FAM83B: variants seen among roughly 807,000 people sequenced by gnomAD.
FAM83B encodes scaffolding CK1 anchoring protein B.
In FAM83B, 26 loss-of-function variants were observed where a neutral mutation model predicts 38.8. The ratio of observed to expected loss-of-function variants is 0.67; its 90% CI spans 0.49 to 0.93. The LOEUF (loss-of-function observed/expected upper bound fraction) is 0.93, where lower values mean the gene tolerates loss of function less well. Among genes scored for constraint, FAM83B ranks in the 40% least tolerant of loss-of-function variants. The pLI is 0.00. For synonymous variants in FAM83B, 419 were observed against 423.1 expected, an observed-to-expected ratio of 0.99 and a Z score of 0.12; for missense variants, 1,237 against 1,197.3, an observed-to-expected ratio of 1.03 and a Z score of -0.49.
At chr6:54,860,087 G>C (rs1431249493) in intron 1 of FAM83B, among the ~76,000 whole-genome samples, 2 of 151,446 alleles carry the variant, frequency 1.3e-5, no homozygotes. Flanking sequence ...TTTGTTTTTG[G>C]GTGAATTTTC....
intron 2 of FAM83B, among the ~76,000 whole-genome samples, chr6:54,890,005 A>AT (rs1772364039): frequency 6.6e-6 from 1 of 152,094 alleles, no homozygotes; most frequent in Non-Finnish European, 1.5e-5. Flanking sequence ...TTGTTTAAAA[A>AT]ATATATATAG....
chr6:54,913,313 T>C (rs2127585123), intron 2 of FAM83B, among the ~76,000 whole-genome samples: 1 of 152,234 alleles, frequency 6.6e-6, no homozygotes, highest in African/African-American at 2.4e-5. Context: ...AGTTATATTG[T>C]CACCAACATT....
At chr6:54,928,360 A>G (rs1396991691) in intron 4 of FAM83B, among the ~76,000 whole-genome samples, 1 of 152,228 alleles carries the variant, frequency 6.6e-6, no homozygotes, top group Non-Finnish European at 1.5e-5. Context: ...AGAAGGAGGT[A>G]TCACATTGAA....
At position 54,940,047 on chromosome 6, in the gene FAM83B, A is replaced by T; in HGVS notation, c.1076A>T (p.Lys359Ile). The change falls in exon 5 of 5, where the codon AAA becomes ATA. Residue 359 changes from lysine to isoleucine, a missense_variant. Lys to Ile is a moderately radical substitution (Grantham distance 102). Transcript: ENST00000306858. ...TATAACATAAGAAGTCACGGATACA[A>T]ACCTCATTTTGTTCCTAACTTTAAT... Reference protein sequence around the residue: ...DKYNIRSHGYKPHFVPNFNGP... With the variant: ...DKYNIRSHGYIPHFVPNFNGP... 1.2e-6 allele frequency: 2 copies of T among 1,614,034 alleles called. No homozygotes were observed. Among genetic ancestry groups the T allele is most frequent in the Non-Finnish European group, 1.7e-6 (2 of 1,179,976 alleles).
intron 2 of FAM83B, among the ~76,000 whole-genome samples, chr6:54,890,794 AT>A (rs1772384070): frequency 6.6e-6 from 1 of 152,076 alleles, no homozygotes; most frequent in African/African-American, 2.4e-5. Context: ...TATCATGTGC[AT>A]TAATGTTTTA....
At position 54,940,247 on chromosome 6, in the gene FAM83B, G is replaced by A. The variant is rs1378480812; in HGVS notation, c.1276G>A (p.Ala426Thr). 1 of 1,614,034 alleles carries A rather than the reference G, an allele frequency of 6.2e-7. No homozygotes were observed. The highest frequency in any genetic ancestry group is 8.5e-7 in the Non-Finnish European group (1 of 1,179,980). Residue 426 changes from alanine (A) to threonine (T), a missense_variant, in exon 5 of 5, where the codon GCG becomes ACG. By Grantham distance (58) the Ala-to-Thr change is moderately conservative (BLOSUM62 0). Transcript: ENST00000306858. Reference sequence around the variant, plus strand: ...AAAGCCATCTGATAGTCTCAGTGTGGCGTCCTCATCACGGGAAGGCTATGT... The same window carrying A: ...AAAGCCATCTGATAGTCTCAGTGTGACGTCCTCATCACGGGAAGGCTATGT... ...WKKPSDSLSV[A>T]SSSREGYVSH...
chr6:54,855,555 A>C (rs1460030573), intron 1 of FAM83B, among the ~76,000 whole-genome samples: 1 of 152,226 alleles, frequency 6.6e-6, no homozygotes, highest in Admixed American at 6.5e-5. Context: ...CTCTGTTATT[A>C]ACATAAGGTC....
intron 2 of FAM83B, among the ~76,000 whole-genome samples, chr6:54,913,631 C>T (rs766496111): frequency 5.3e-5 from 8 of 149,674 alleles, no homozygotes; most frequent in East Asian, 2.0e-4. Context: ...ATGTTATATA[C>T]GAGTTAAAGA....
intron 2 of FAM83B, among the ~76,000 whole-genome samples, chr6:54,889,220 C>T (rs763732555): frequency 1.3e-4 from 20 of 151,974 alleles, no homozygotes; most frequent in Non-Finnish European, 1.9e-4. Flanking sequence ...GTCTGCATTA[C>T]CTGTAAGCCT....
rs1773768306 is a variant in FAM83B, at chr6:54,944,855, A to C, written c.*2848A>C. 1 of 152,178 alleles carries C rather than the reference A, an allele frequency of 6.6e-6. No individual in the cohort carries two copies. Among genetic ancestry groups the C allele is most frequent in the Non-Finnish European group, 1.5e-5 (1 of 68,042 alleles). The allele number at this position is 152,178 out of a possible 1,614,324, so 9.4% of individuals were successfully genotyped here. A position where few individuals can be genotyped will look rare whatever the true frequency, so the allele number is the denominator to read the frequency against. The stretch of plus-strand genomic sequence containing the variant: ...GTAGATCCTGGGTTCTAGAATATTT[A>C]AAACAAAAGGATAAAATGATAAACC... On this transcript the variant is annotated 3_prime_UTR_variant, in exon 5 of 5. Coordinates refer to ENST00000306858, the MANE Select transcript of FAM83B (RefSeq NM_001010872.3).
chr6:54,858,446 A>C (rs952242502), intron 1 of FAM83B, among the ~76,000 whole-genome samples: 2 of 152,226 alleles, frequency 1.3e-5, no homozygotes, highest in Non-Finnish European at 1.5e-5. Context: ...CTGTTCTGTT[A>C]TATCAAGTTG....
chr6:54,855,256 G>T (rs1257288047), intron 1 of FAM83B, among the ~76,000 whole-genome samples: 1 of 152,146 alleles, frequency 6.6e-6, no homozygotes, highest in African/African-American at 2.4e-5. Context: ...AAGTTGTTTT[G>T]AGTGTCAATC....
intron 1 of FAM83B, 98 bp from the exon 2 acceptor site, chr6:54,870,089 G>A: frequency 1.7e-6 from 1 of 595,884 alleles, no homozygotes; most frequent in Non-Finnish European, 2.9e-6. Context: ...TCTGGTAATG[G>A]AAATGTGTAA....
chr6:54,897,475 T>A (rs1387741044), intron 2 of FAM83B, among the ~76,000 whole-genome samples: 3 of 151,594 alleles, frequency 2.0e-5, no homozygotes, highest in South Asian at 2.1e-4. Flanking sequence ...GGCCCTAAAA[T>A]TTTTTTTTAG....
chr6:54,927,820 A>C (rs1773337570), intron 4 of FAM83B, among the ~76,000 whole-genome samples, 188 bp downstream of exon 4: 1 of 151,878 alleles, frequency 6.6e-6, no homozygotes, highest in Non-Finnish European at 1.5e-5. Flanking sequence ...AAGAGCATTA[A>C]GATCTTATGC....
Position 54,943,403 on chromosome 6 carries a change from G to C in FAM83B, c.*1396G>C, listed in dbSNP as rs951480556. The C allele has an allele frequency of 2.6e-5, 4 of 152,182 alleles. No homozygotes were observed. The highest frequency in any genetic ancestry group is 7.2e-5 in the African/African-American group (3 of 41,454). The allele number at this position is 152,182 out of a possible 1,614,324, so 9.4% of individuals were successfully genotyped here. A position where few individuals can be genotyped will look rare whatever the true frequency, so the allele number is the denominator to read the frequency against. On this transcript the variant is annotated 3_prime_UTR_variant, in exon 5 of 5. Transcript: ENST00000306858. ...CTTTGCTTCATTCACAAAGAACAGAGTTCAAGAAGCAGTGCATCCTGTGAG... is the reference window on the plus strand; with the variant it reads ...CTTTGCTTCATTCACAAAGAACAGACTTCAAGAAGCAGTGCATCCTGTGAG...
intron 1 of FAM83B, among the ~76,000 whole-genome samples, chr6:54,865,557 G>T (rs1249766573): frequency 3.3e-5 from 5 of 152,188 alleles, no homozygotes; most frequent in African/African-American, 1.2e-4. Context: ...TACTTGGAGA[G>T]AAACAGCTTA....
intron 4 of FAM83B, among the ~76,000 whole-genome samples, chr6:54,933,172 A>T (rs1201779351): frequency 3.3e-5 from 5 of 150,870 alleles, no homozygotes; most frequent in Non-Finnish European, 5.9e-5. Flanking sequence ...CTTCTGACTC[A>T]ATTATATCCA....
intron 2 of FAM83B, among the ~76,000 whole-genome samples, chr6:54,885,060 C>T (rs996217160): frequency 1.3e-5 from 2 of 152,200 alleles, no homozygotes; most frequent in Non-Finnish European, 2.9e-5. Flanking sequence ...GCGTGAGCCA[C>T]TGCGCCCGGC....
Sources: gnomAD v4.1 joint callset for allele counts (sites outside exome capture counted in the v4.1 genomes callset) on GRCh38, gnomAD v4.1.1 for gene constraint, MANE v1.5 for transcripts, NCBI Gene and HGNC (gene_info 2026-07-23, HGNC 2026-07-21) for gene names.